Variants in NEDD4L observed in about 807,000 individuals in gnomAD.
The protein encoded by NEDD4L is NEDD4 like E3 ubiquitin protein ligase.
Under a neutral mutation model 148.9 loss-of-function variants are expected in NEDD4L, and 54 were observed. The ratio of observed to expected loss-of-function variants is 0.36; its 90% confidence interval spans 0.29 to 0.45. The LOEUF (loss-of-function observed/expected upper bound fraction) is 0.45. Among genes scored for constraint, NEDD4L ranks in the 20% least tolerant of loss-of-function variants. The probability of loss-of-function intolerance (pLI) is 1.00; values close to 1 mark genes in which losing one functional copy is unlikely to be tolerated. For synonymous variants in NEDD4L, 433 were observed against 440.7 expected, an observed-to-expected ratio of 0.98 and a Z score of 0.22; for missense variants, 856 against 1,233.8, an observed-to-expected ratio of 0.69 and a Z score of 4.59.
At chr18:58,116,581 A>G (rs473727) in intron 1 of NEDD4L, among the ~76,000 whole-genome samples, 68,444 of 152,026 alleles carry the variant, frequency 0.45, 15,774 homozygotes, top group South Asian at 0.54. Flanking sequence ...CACAGTTCTA[A>G]GCTCAAGGGA....
At position 58,204,306 on chromosome 18, in the gene NEDD4L, C is replaced by T. The variant is rs1463154968; in HGVS notation, c.122+38445C>T. On this transcript the variant is annotated intron_variant, in intron 2 of 30. Transcript: ENST00000400345. The stretch of plus-strand genomic sequence containing the variant: ...TTGCACCACTGCACTACAGCCTGGG[C>T]AACAGAGTGAGACTCCTTCTCAAAA... Among the ~76,000 whole-genome samples the T allele has an allele frequency of 2.0e-5, 3 of 151,800 alleles. No homozygotes were observed. In the East Asian group the frequency reaches 5.8e-4, roughly 29 times the overall value.
chr18:58,162,213 G>A (rs1476312206), intron 1 of NEDD4L, among the ~76,000 whole-genome samples: 2 of 151,908 alleles, frequency 1.3e-5, no homozygotes, highest in Non-Finnish European at 2.9e-5. Context: ...TTTATCACTC[G>A]CCTGCTTAAA....
chr18:58,378,930 G>C (rs2047949945), intron 24 of NEDD4L, among the ~76,000 whole-genome samples: 3 of 152,256 alleles, frequency 2.0e-5, no homozygotes, highest in Admixed American at 2.0e-4. Context: ...TCTGATCTCT[G>C]TGAGGAAGAG....
At chr18:58,309,750 A>C (rs2057468096) in intron 5 of NEDD4L, among the ~76,000 whole-genome samples, 1 of 151,212 alleles carries the variant, frequency 6.6e-6, no homozygotes, top group Non-Finnish European at 1.5e-5. Context: ...CGCACCTGGG[A>C]TATGCTTATA....
rs772681616 is a variant in NEDD4L at position 58,367,728 on chromosome 18, T to C, written c.2064-18T>C. The C allele has an allele frequency of 6.2e-7, 1 of 1,612,260 alleles. No individual in the cohort carries two copies. The highest frequency in any genetic ancestry group is 1.7e-5 in the Admixed American group (1 of 59,712). On this transcript the variant is annotated intron_variant, in intron 21 of 30. Transcript: ENST00000400345. ...TTTGAAAGTGTGATTGGGCTTTTCT[T>C]CTCTTTCTCCTCAAAAGGGACAACT...
intron 1 of NEDD4L, among the ~76,000 whole-genome samples, chr18:58,160,673 G>A (rs1479003332): frequency 6.6e-6 from 1 of 152,212 alleles, no homozygotes; most frequent in Non-Finnish European, 1.5e-5. Flanking sequence ...TCAGCCTGGG[G>A]CCACTGCATC....
At chr18:58,284,908 G>A (rs1195662433) in intron 5 of NEDD4L, among the ~76,000 whole-genome samples, 2 of 152,160 alleles carry the variant, frequency 1.3e-5, no homozygotes, top group Non-Finnish European at 2.9e-5. Flanking sequence ...TGGTGCACAT[G>A]GGCCAGCTCC....
chr18:58,183,996 C>T (rs11872262), intron 2 of NEDD4L, among the ~76,000 whole-genome samples: 17,768 of 152,032 alleles, frequency 0.12, 1,293 homozygotes, highest in East Asian at 0.34. Context: ...GGTGAAACCC[C>T]GTCTCTACTA....
chr18:58,111,637 C>G (rs1018633540), intron 1 of NEDD4L, among the ~76,000 whole-genome samples: 2 of 152,162 alleles, frequency 1.3e-5, no homozygotes, highest in Admixed American at 6.5e-5. Context: ...TGGTCAAATA[C>G]TAGTCTGTTG....
intron 24 of NEDD4L, among the ~76,000 whole-genome samples, chr18:58,379,796 C>T (rs982785752): frequency 6.6e-6 from 1 of 152,176 alleles, no homozygotes; most frequent in African/African-American, 2.4e-5. Context: ...AAAGTGTCAC[C>T]TGTAACGAAT....
chr18:58,280,064 G>A (rs560975816), intron 5 of NEDD4L, among the ~76,000 whole-genome samples: 2 of 151,998 alleles, frequency 1.3e-5, no homozygotes, highest in African/African-American at 2.4e-5. Context: ...ATTTTTTTGC[G>A]GGGGGAGGAG....
At chr18:58,352,887 G>A (rs973418244) in intron 18 of NEDD4L, among the ~76,000 whole-genome samples, 10 of 152,154 alleles carry the variant, frequency 6.6e-5, no homozygotes, top group Non-Finnish European at 8.8e-5. Context: ...TTCGTATACC[G>A]CAAGGAGCCA....
chr18:58,103,404 AC>A (rs2084889326), intron 1 of NEDD4L, among the ~76,000 whole-genome samples: 1 of 151,816 alleles, frequency 6.6e-6, no homozygotes, highest in Non-Finnish European at 1.5e-5. Context: ...AATCTCAGTT[AC>A]CCCCGTGTGT....
At chr18:58,055,895 T>C (rs2082067236) in intron 1 of NEDD4L, among the ~76,000 whole-genome samples, 1 of 152,240 alleles carries the variant, frequency 6.6e-6, no homozygotes, top group South Asian at 2.1e-4. Flanking sequence ...CAGACTCAAA[T>C]CCATTTCTCC....
intron 2 of NEDD4L, among the ~76,000 whole-genome samples, chr18:58,234,371 A>G (rs543624214): frequency 8.1e-6 from 1 of 123,528 alleles, no homozygotes; most frequent in South Asian, 2.6e-4. Context: ...TTGTTCTGTC[A>G]TCTAGGCTGG....
intron 1 of NEDD4L, among the ~76,000 whole-genome samples, chr18:58,093,802 CAGA>C (rs2084215424): frequency 6.6e-6 from 1 of 152,176 alleles, no homozygotes; most frequent in Non-Finnish European, 1.5e-5. Flanking sequence ...TTGAACTTTT[CAGA>C]AGAATGATAT....
chr18:58,272,615 G>A (rs1879881640), intron 5 of NEDD4L, among the ~76,000 whole-genome samples: 3 of 150,748 alleles, frequency 2.0e-5, no homozygotes, highest in Admixed American at 1.3e-4. Flanking sequence ...GGGTGACAGA[G>A]CGAGACCCTG....
At chr18:58,221,455 C>A in intron 2 of NEDD4L, 1 of 673,704 alleles carries the variant, frequency 1.5e-6, no homozygotes, top group Non-Finnish European at 1.8e-6. Flanking sequence ...GCTACTTAAC[C>A]TTATGGTAGG....
chr18:58,084,407 A>T (rs1436060081), intron 1 of NEDD4L, among the ~76,000 whole-genome samples: 1 of 152,258 alleles, frequency 6.6e-6, no homozygotes, highest in Non-Finnish European at 1.5e-5. Flanking sequence ...TGTATAAATT[A>T]TGTCTAAATA....
Sources: gnomAD v4.1 joint callset for allele counts (sites outside exome capture counted in the v4.1 genomes callset) on GRCh38, gnomAD v4.1.1 for gene constraint, MANE v1.5 for transcripts, NCBI Gene and HGNC (gene_info 2026-07-23, HGNC 2026-07-21) for gene names.